Variants in CSMD1 observed in about 807,000 individuals in gnomAD.
CSMD1 encodes CUB and Sushi multiple domains 1, also known as CUB and sushi domain-containing protein 1.
CSMD1 carries 213 observed loss-of-function variants against 417.5 expected under a neutral mutation model. The ratio of observed to expected loss-of-function variants is 0.51; its 90% CI spans 0.46 to 0.57. The LOEUF (loss-of-function observed/expected upper bound fraction) is 0.57. Among genes scored for constraint, CSMD1 ranks in the 20% least tolerant of loss-of-function variants. CSMD1 has a pLI of 0.00. For missense variants in CSMD1, 6,923 were observed against 4,529.7 expected, an observed-to-expected ratio of 1.53 and a Z score of -15.17; for synonymous variants, 2,862 against 1,736.8, an observed-to-expected ratio of 1.65 and a Z score of -16.11.
intron 3 of CSMD1, among the ~76,000 whole-genome samples, chr8:4,275,119 A>C (rs1280869548): frequency 6.6e-6 from 1 of 152,220 alleles, no homozygotes; most frequent in Non-Finnish European, 1.5e-5. Flanking sequence ...CCTTATAAAG[A>C]TAACCAATGA....
At chr8:4,425,844 T>C (rs1050300016) in intron 2 of CSMD1, among the ~76,000 whole-genome samples, 1 of 152,116 alleles carries the variant, frequency 6.6e-6, no homozygotes, top group African/African-American at 2.4e-5. Flanking sequence ...TATTTTAGTA[T>C]ATGCAACGTT....
intron 6 of CSMD1, among the ~76,000 whole-genome samples, chr8:3,736,607 C>G (rs924755373): frequency 3.3e-5 from 5 of 152,186 alleles, no homozygotes; most frequent in African/African-American, 7.2e-5. Context: ...TCCTGCAACA[C>G]CAGGCAATGG....
At chr8:3,798,433 C>A (rs978423100) in intron 5 of CSMD1, among the ~76,000 whole-genome samples, 2 of 151,956 alleles carry the variant, frequency 1.3e-5, no homozygotes, top group African/African-American at 4.8e-5. Context: ...TGCAGTTTCA[C>A]TGATATACTC....
rs150140825 is a variant in CSMD1 at position 3,013,341 on chromosome 8, G to A, written c.8029+5136C>T. Among the ~76,000 whole-genome samples the A allele has an allele frequency of 4.9e-4, 74 of 152,274 alleles. 1 individual carries two copies. The East Asian group carries it at 0.011, about 22-fold the overall frequency. On this transcript the variant is annotated intron_variant, in intron 52 of 69. Transcript: ENST00000635120. ...GACTCTACCCGTCAGGGCTGGCACTGATATGGAAAACAACTTCCCACAACT... is the reference window on the plus strand; with the variant it reads ...GACTCTACCCGTCAGGGCTGGCACTAATATGGAAAACAACTTCCCACAACT...
At chr8:4,581,220 G>T (rs1024552462) in intron 2 of CSMD1, among the ~76,000 whole-genome samples, 11 of 152,120 alleles carry the variant, frequency 7.2e-5, no homozygotes, top group Non-Finnish European at 1.2e-4. Context: ...GCAATGAAAA[G>T]AATGTTTCAT....
chr8:4,889,521 G>A (rs1009954485), intron 1 of CSMD1, among the ~76,000 whole-genome samples: 2 of 151,934 alleles, frequency 1.3e-5, no homozygotes, highest in East Asian at 1.9e-4. Flanking sequence ...TATCATTACA[G>A]GAAGTTGTAT....
chr8:4,912,675 C>T (rs978803238), intron 1 of CSMD1, among the ~76,000 whole-genome samples: 5 of 152,174 alleles, frequency 3.3e-5, no homozygotes, highest in Non-Finnish European at 5.9e-5. Context: ...GAGTTTAGCA[C>T]TTTCATTTAT....
At chr8:3,044,441 T>G (rs1811303812) in intron 50 of CSMD1, among the ~76,000 whole-genome samples, 1 of 152,156 alleles carries the variant, frequency 6.6e-6, no homozygotes, top group Admixed American at 6.5e-5. Flanking sequence ...AACAATTTAG[T>G]TTTTCACTGG....
Position 3,700,099 on chromosome 8 carries a change from C to T in CSMD1, c.1009+8315G>A, listed in dbSNP as rs561530012. Among the ~76,000 whole-genome samples the T allele has an allele frequency of 9.9e-5, 15 of 152,174 alleles. No homozygotes were observed. In the South Asian group the frequency reaches 1.7e-3, roughly 17 times the overall value. On this transcript the variant is annotated intron_variant, in intron 7 of 69. Coordinates refer to ENST00000635120, the MANE Select transcript of CSMD1 (RefSeq NM_033225.6). ...AGAATGATACAAAGGGCTCTGTGGACGTTGGGGGAAGAGTGGGAGTGGGGC... is the reference window on the plus strand; with the variant it reads ...AGAATGATACAAAGGGCTCTGTGGATGTTGGGGGAAGAGTGGGAGTGGGGC...
chr8:4,468,255 G>A (rs761839046), intron 2 of CSMD1, among the ~76,000 whole-genome samples: 2 of 152,170 alleles, frequency 1.3e-5, no homozygotes, highest in Non-Finnish European at 2.9e-5. Context: ...GCTGACTTCT[G>A]AGACTCCTGA....
intron 5 of CSMD1, among the ~76,000 whole-genome samples, chr8:3,996,444 A>AT (rs34769872): frequency 0.67 from 101,664 of 150,668 alleles, 34,446 homozygotes; most frequent in East Asian, 0.89. Flanking sequence ...CATTTTTAAG[A>AT]TTTTTTTTTT....
chr8:3,762,895 A>G (rs1798088712), intron 5 of CSMD1, among the ~76,000 whole-genome samples: 1 of 152,216 alleles, frequency 6.6e-6, no homozygotes, highest in East Asian at 1.9e-4. Context: ...GAGAGCTGCT[A>G]CTGAATAAAA....
intron 5 of CSMD1, among the ~76,000 whole-genome samples, chr8:3,789,373 T>G (rs1368868705): frequency 1.4e-5 from 2 of 142,222 alleles, no homozygotes; most frequent in African/African-American, 2.6e-5. Context: ...TTGCTAGTGT[T>G]TTTTTTTTTA....
At chr8:3,025,046 G>T (rs918211364) in intron 51 of CSMD1, among the ~76,000 whole-genome samples, 2 of 149,944 alleles carry the variant, frequency 1.3e-5, no homozygotes, top group Non-Finnish European at 3.0e-5. Flanking sequence ...CTGAAACCCT[G>T]TATTGTGTGG....
chr8:4,116,953 G>C (rs902815962), intron 3 of CSMD1, among the ~76,000 whole-genome samples: 1 of 152,034 alleles, frequency 6.6e-6, no homozygotes. Flanking sequence ...TGAAGTCTGA[G>C]AATCAGGCTG....
chr8:4,483,020 C>G (rs1563220816), intron 2 of CSMD1, among the ~76,000 whole-genome samples: 1 of 152,074 alleles, frequency 6.6e-6, no homozygotes, highest in Non-Finnish European at 1.5e-5. Context: ...TGGTTTGGCT[C>G]TGCGTCCCCA....
intron 3 of CSMD1, among the ~76,000 whole-genome samples, chr8:4,296,098 G>T (rs999035045): frequency 3.3e-5 from 5 of 152,118 alleles, no homozygotes; most frequent in African/African-American, 1.2e-4. Context: ...TTTTCTCTTT[G>T]CAAGGAGAGA....
At chr8:4,522,275 T>G (rs920276639) in intron 2 of CSMD1, among the ~76,000 whole-genome samples, 1 of 152,190 alleles carries the variant, frequency 6.6e-6, no homozygotes, top group Non-Finnish European at 1.5e-5. Flanking sequence ...GACTTGCTCC[T>G]CCTTGCCTTC....
At chr8:3,657,426 A>G (rs1798184879) in intron 7 of CSMD1, among the ~76,000 whole-genome samples, 1 of 152,182 alleles carries the variant, frequency 6.6e-6, no homozygotes, top group South Asian at 2.1e-4. Flanking sequence ...CAAACTAAGA[A>G]AATGACTTGG....
Sources: gnomAD v4.1 joint callset for allele counts (sites outside exome capture counted in the v4.1 genomes callset) on GRCh38, gnomAD v4.1.1 for gene constraint, MANE v1.5 for transcripts, NCBI Gene and HGNC (gene_info 2026-07-23, HGNC 2026-07-21) for gene names.